AKAP19: variants seen among roughly 807,000 people sequenced by gnomAD.
AKAP19 encodes the protein A-kinase anchoring protein 19.
At chr2:189,923,257 A>T in the AKAP19 span, 2 of 1,413,092 alleles carry the variant, frequency 1.4e-6, no homozygotes, top group Non-Finnish European at 9.8e-7. Flanking sequence ...AGAACCCGGG[A>T]GTAGGAGACT....
chr2:189,902,338 T>C, the AKAP19 span, among the ~76,000 whole-genome samples: 1 of 152,122 alleles, frequency 6.6e-6, no homozygotes, highest in South Asian at 2.1e-4. Context: ...TCCAATGTTA[T>C]AGTTTCTTAA....
the AKAP19 span, among the ~76,000 whole-genome samples, chr2:190,055,484 A>C: frequency 6.6e-6 from 1 of 152,140 alleles, no homozygotes. Flanking sequence ...TATAATAAAA[A>C]AATAAAAAAA....
chr2:190,015,920 A>G, the AKAP19 span, among the ~76,000 whole-genome samples: 1 of 152,232 alleles, frequency 6.6e-6, no homozygotes, highest in Non-Finnish European at 1.5e-5. Flanking sequence ...AAGCATAGCA[A>G]GAGTGACCTT....
the AKAP19 span, among the ~76,000 whole-genome samples, chr2:189,967,690 T>A: frequency 6.6e-6 from 1 of 152,032 alleles, no homozygotes; most frequent in East Asian, 2.0e-4. Context: ...GGTGCACACC[T>A]GTAGTCCCAG....
At chr2:190,101,996 C>G in the AKAP19 span, among the ~76,000 whole-genome samples, 1 of 152,102 alleles carries the variant, frequency 6.6e-6, no homozygotes, top group African/African-American at 2.4e-5. Context: ...ATAATACCAA[C>G]CATACTCTCA....
At chr2:190,096,530 G>C in the AKAP19 span, among the ~76,000 whole-genome samples, 34 of 152,232 alleles carry the variant, frequency 2.2e-4, no homozygotes, top group African/African-American at 7.5e-4. Context: ...GGAGTTTGCT[G>C]CCTGTCTGTG....
chr2:189,976,890 C>T, the AKAP19 span, among the ~76,000 whole-genome samples: 1 of 152,184 alleles, frequency 6.6e-6, no homozygotes, highest in African/African-American at 2.4e-5. Flanking sequence ...CTTCCCTTGG[C>T]TAGGAAAGGG....
the AKAP19 span, among the ~76,000 whole-genome samples, chr2:190,058,853 G>C: frequency 6.6e-6 from 1 of 151,824 alleles, no homozygotes; most frequent in Non-Finnish European, 1.5e-5. Context: ...AGGGATGAGG[G>C]ATTAAAAACT....
chr2:190,103,619 A>G, the AKAP19 span, among the ~76,000 whole-genome samples: 3 of 152,268 alleles, frequency 2.0e-5, no homozygotes, highest in Non-Finnish European at 2.9e-5. Context: ...ACCTACGAAT[A>G]CATCTAACCA....
At chr2:190,119,318 A>G in the AKAP19 span, among the ~76,000 whole-genome samples, 2 of 152,244 alleles carry the variant, frequency 1.3e-5, no homozygotes, top group Non-Finnish European at 2.9e-5. Flanking sequence ...GCGCTTAGGT[A>G]GTATCAGCCA....
At chr2:189,913,030 C>A in the AKAP19 span, among the ~76,000 whole-genome samples, 4 of 152,216 alleles carry the variant, frequency 2.6e-5, no homozygotes, top group East Asian at 7.7e-4. Context: ...GGGAGAAGAT[C>A]TGATGCTTTG....
At chr2:190,115,138 AGAGTGTGTGTGTGT>A in the AKAP19 span, among the ~76,000 whole-genome samples, 180 of 128,094 alleles carry the variant, frequency 1.4e-3, 2 homozygotes, top group African/African-American at 4.8e-3. Flanking sequence ...AGAGAGAGAA[AGAGTGTGTGTGTGT>A]GAGTGTGTGT....
At chr2:189,992,804 T>A in the AKAP19 span, among the ~76,000 whole-genome samples, 1 of 152,200 alleles carries the variant, frequency 6.6e-6, no homozygotes, top group Non-Finnish European at 1.5e-5. Flanking sequence ...AGTTCTTGAT[T>A]TGATTCTCAG....
chr2:189,976,964 G>A, the AKAP19 span, among the ~76,000 whole-genome samples: 14 of 152,042 alleles, frequency 9.2e-5, no homozygotes, highest in African/African-American at 2.7e-4. Flanking sequence ...GCTCACACTC[G>A]GTGGGCTGCA....
At chr2:190,160,989 A>G in the AKAP19 span, among the ~76,000 whole-genome samples, 1 of 152,192 alleles carries the variant, frequency 6.6e-6, no homozygotes, top group Admixed American at 6.5e-5. Flanking sequence ...GATTCATTAG[A>G]AAATCCTTGA....
the AKAP19 span, among the ~76,000 whole-genome samples, chr2:190,174,830 T>C: frequency 1.3e-5 from 2 of 152,226 alleles, no homozygotes; most frequent in Non-Finnish European, 2.9e-5. Flanking sequence ...TAAATGCAGG[T>C]GAAGACTTAT....
chr2:189,965,632 A>T, the AKAP19 span, among the ~76,000 whole-genome samples: 1 of 143,246 alleles, frequency 7.0e-6, no homozygotes, highest in Non-Finnish European at 1.5e-5. Context: ...GGCCACAATA[A>T]AAAAATAAAA....
the AKAP19 span, among the ~76,000 whole-genome samples, chr2:190,196,186 G>T: frequency 1.3e-4 from 19 of 151,848 alleles, no homozygotes; most frequent in Non-Finnish European, 2.5e-4. Context: ...TGGGTTAAAC[G>T]TATCTAATTC....
the AKAP19 span, among the ~76,000 whole-genome samples, chr2:190,008,763 CACACA>C: frequency 1.7e-5 from 2 of 117,944 alleles, no homozygotes; most frequent in African/African-American, 5.2e-5. Context: ...CACACACACA[CACACA>C]CACCCACCTG....
Sources: allele counts gnomAD v4.1 joint callset (sites outside exome capture counted in the v4.1 genomes callset), GRCh38; gene constraint gnomAD v4.1.1; transcripts MANE v1.5; gene names NCBI Gene and HGNC (gene_info 2026-07-23, HGNC 2026-07-21).